Variants in ZMAT1 observed in about 807,000 individuals in gnomAD.
ZMAT1 encodes zinc finger matrin-type protein 1.
In ZMAT1, 11 loss-of-function variants were observed where a neutral mutation model predicts 18.5. That is an observed-to-expected ratio of 0.59 (90% confidence interval 0.37 to 0.98). ZMAT1 has a LOEUF of 0.98. Ranked by LOEUF, ZMAT1 falls within the 50% of genes least tolerant of loss-of-function variation. ZMAT1 has a pLI of 0.01. For missense variants in ZMAT1, 525 were observed against 496.2 expected, an observed-to-expected ratio of 1.06 and a Z score of -0.55; for synonymous variants, 211 against 176.4, an observed-to-expected ratio of 1.20 and a Z score of -1.55.
chrX:101,883,663 G>T lies in ZMAT1; in HGVS notation c.1935C>A (p.Val645=), dbSNP rs150827081. The part of the protein sequence containing the change: ...QRKREEDRVK[V]SSGKLKHRKK... ...TTCGATGCTTAAGCTTTCCTGAACT[G>T]ACCTTGACTCTATCCTCCTCTCTTT... The change falls in exon 6 of 6, where the codon GTC becomes GTA. Residue 645 remains valine (V), a synonymous_variant. Transcript: ENST00000651725. 3.3e-5 allele frequency: 40 copies of T among 1,205,248 alleles called. No individual in the cohort carries two copies. In the African/African-American group the frequency reaches 6.6e-4, roughly 20 times the overall value.
At chrX:101,927,948 A>G (rs1192070154) in intron 1 of ZMAT1, among the ~76,000 whole-genome samples, 3 of 112,200 alleles carry the variant, frequency 2.7e-5, no homozygotes, top group Non-Finnish European at 5.6e-5. Context: ...ACGAACAAAT[A>G]ATAATTTACC....
At chrX:101,923,489 C>T (rs1007593397) in intron 1 of ZMAT1, among the ~76,000 whole-genome samples, 9 of 111,752 alleles carry the variant, frequency 8.1e-5, no homozygotes, top group Non-Finnish European at 1.1e-4. Context: ...ATACGAAGCA[C>T]AGAAGATGAT....
chrX:101,901,451 T>C (rs1435683575), intron 2 of ZMAT1, among the ~76,000 whole-genome samples: 1 of 111,467 alleles, frequency 9.0e-6, no homozygotes, highest in African/African-American at 3.3e-5. Flanking sequence ...GGGTTTGTCA[T>C]AGATGGTCTA....
Position 101,931,707 on chromosome X carries a change from G to C in ZMAT1, c.292+10C>G. The C allele has an allele frequency of 5.3e-6, 4 of 758,876 alleles. No individual in the cohort carries two copies. Among genetic ancestry groups the C allele is most frequent in the Non-Finnish European group, 6.2e-6 (4 of 641,878 alleles). 62.5% of individuals were successfully genotyped at this position (758,876 alleles called of 1,213,427 possible). ...TGGGGCCGCCCCCGCACCCCGGGAC[G>C]GGAACTCACCTTCTCTGAGGCAAGG... On this transcript the variant is annotated intron_variant, in intron 1 of 5. Transcript: ENST00000651725.
At position 101,883,374 on chromosome X, in the gene ZMAT1, C is replaced by T; in HGVS notation, c.*136G>A. 1 of 403,195 alleles carries T rather than the reference C, an allele frequency of 2.5e-6. No homozygotes were observed. The highest frequency in any genetic ancestry group is 3.8e-6 in the Non-Finnish European group (1 of 265,124). 33.2% of individuals were successfully genotyped at this position (403,195 alleles called of 1,213,427 possible). ...TTTTAATTCAATTTAAATTTTTATACAAAAAAAACCTAAGTGTCCTGAAGT... is the reference window on the plus strand; with the variant it reads ...TTTTAATTCAATTTAAATTTTTATATAAAAAAAACCTAAGTGTCCTGAAGT... On this transcript the variant is annotated 3_prime_UTR_variant, in exon 6 of 6. Coordinates refer to ENST00000651725, the MANE Select transcript of ZMAT1 (RefSeq NM_001394560.1).
intron 2 of ZMAT1, among the ~76,000 whole-genome samples, chrX:101,903,485 T>G (rs190742095): frequency 1.8e-4 from 20 of 111,444 alleles, no homozygotes; most frequent in Non-Finnish European, 2.5e-4. Flanking sequence ...GATGAGATGT[T>G]TAAAAAAGTA....
chrX:101,911,484 C>A, intron 1 of ZMAT1: 1 of 709,651 alleles, frequency 1.4e-6, no homozygotes, highest in Non-Finnish European at 2.1e-6. Flanking sequence ...CTTTTCAAGA[C>A]ATAGTACAGT....
intron 4 of ZMAT1, chrX:101,889,602 GTAATT>G (rs1196484101): frequency 8.9e-6 from 1 of 112,050 alleles, no homozygotes; most frequent in Non-Finnish European, 1.9e-5. Context: ...CCCAGAGATG[GTAATT>G]TAATTGATTG....
At chrX:101,906,770 C>T (rs746338063) in intron 1 of ZMAT1, among the ~76,000 whole-genome samples, 1 of 112,241 alleles carries the variant, frequency 8.9e-6, no homozygotes, top group East Asian at 2.8e-4. Context: ...TCTGCAGACT[C>T]AGGCTCCAGG....
chrX:101,907,363 T>TA (rs2147635856), intron 1 of ZMAT1, among the ~76,000 whole-genome samples: 1 of 112,262 alleles, frequency 8.9e-6, no homozygotes, highest in Non-Finnish European at 1.9e-5. Context: ...AAGACCCAGA[T>TA]ACCAGGGCCA....
At chrX:101,894,930 A>G in intron 4 of ZMAT1, 1 of 737,112 alleles carries the variant, frequency 1.4e-6, no homozygotes. Context: ...TGAAAAAAAA[A>G]TATGGTTAGA....
In ZMAT1 at chrX:101,904,326, G is replaced by A; in HGVS notation, c.297C>T (p.Ala99=). 8.4e-7 allele frequency: 1 copy of A among 1,187,746 alleles called. No homozygotes were observed. The highest frequency in any genetic ancestry group is 1.1e-6 in the Non-Finnish European group (1 of 881,790). The change falls in exon 2 of 6, where the codon GCC becomes GCT. Residue 99 remains alanine, a synonymous_variant. Transcript: ENST00000651725. ...CAGCCTTTTCCTGTTCATTCCAAATGGCGTCTGTGAATAAAAAAGGGAAGA... is the reference window on the plus strand; with the variant it reads ...CAGCCTTTTCCTGTTCATTCCAAATAGCGTCTGTGAATAAAAAAGGGAAGA... ...VDTRPCLRED[A]IWNEQEKAEL...
rs1569428347 is a variant in ZMAT1 at position 101,886,745 on chromosome X, GAGTTCA to G, written c.677-20_677-15del. ...TCATACTAAATGCTGAAAAAACAAA[GAGTTCA>G]AGTTAAGAAGGTCAGTATAAATACA... On this transcript the variant is annotated splice_polypyrimidine_tract_variant and intron_variant, in intron 4 of 5. Coordinates refer to ENST00000651725, the MANE Select transcript of ZMAT1 (RefSeq NM_001394560.1). 2 of 1,123,997 alleles carry G rather than the reference GAGTTCA, an allele frequency of 1.8e-6. No individual in the cohort carries two copies. The highest frequency in any genetic ancestry group is 1.9e-5 in the South Asian group (1 of 51,993). 92.6% of individuals were successfully genotyped at this position (1,123,997 alleles called of 1,213,427 possible).
Position 101,931,902 on chromosome X carries a change from G to A in ZMAT1, c.107C>T (p.Ala36Val). The A allele has an allele frequency of 2.5e-6, 2 of 799,737 alleles. No homozygotes were observed. The highest frequency in any genetic ancestry group is 3.0e-6 in the Non-Finnish European group (2 of 671,453). 65.9% of individuals were successfully genotyped at this position (799,737 alleles called of 1,213,427 possible). A position where few individuals can be genotyped will look rare whatever the true frequency, so the allele number is the denominator to read the frequency against. ...TGCCGCCGCCGCCGCCGCCGCCGCC[G>A]CTGCCGCGCAGGCGGTGTAGGAGGA... Reference protein sequence around the residue: ...SSSSYTACAAAAAAAAAAAVI... With the variant: ...SSSSYTACAAVAAAAAAAAVI... The change falls in exon 1 of 6, where the codon GCG becomes GTG. Residue 36 changes from alanine to valine, a missense_variant. Ala to Val is a moderately conservative substitution (Grantham distance 64, BLOSUM62 0). Coordinates refer to ENST00000651725, the MANE Select transcript of ZMAT1 (RefSeq NM_001394560.1).
chrX:101,898,837 T>C (rs1928012644), intron 2 of ZMAT1, among the ~76,000 whole-genome samples: 2 of 111,179 alleles, frequency 1.8e-5, no homozygotes, highest in African/African-American at 6.6e-5. Context: ...GATCACAAGG[T>C]CAGGAGTTCG....
intron 1 of ZMAT1, among the ~76,000 whole-genome samples, chrX:101,904,944 C>T (rs1182455707): frequency 9.0e-6 from 1 of 111,310 alleles, no homozygotes; most frequent in Non-Finnish European, 1.9e-5. Context: ...TTCAAACAAA[C>T]AAACAAAAAA....
intron 1 of ZMAT1, chrX:101,912,062 C>T: frequency 8.9e-7 from 1 of 1,127,513 alleles, no homozygotes; most frequent in Non-Finnish European, 1.2e-6. Context: ...CCAGAGAATT[C>T]ACACTGGATA....
intron 1 of ZMAT1, among the ~76,000 whole-genome samples, chrX:101,920,588 G>C (rs73524759): frequency 0.025 from 2,810 of 111,719 alleles, 68 homozygotes; most frequent in African/African-American, 0.076. Context: ...TAGACTGTGA[G>C]TTCTGCAAGG....
In ZMAT1 at chrX:101,884,777, T is replaced by C; in HGVS notation, c.821A>G (p.Gln274Arg). The change falls in exon 6 of 6, where the codon CAA becomes CGA. Residue 274 changes from glutamine to arginine, a missense_variant. Transcript: ENST00000651725. ...INLVKNSRKT[Q>R]DSYQNECADY... ...TGCACACTCATTTTGGTAAGAGTCT[T>C]GTGTCTTCCTTGAATTCTTCACTAG... The C allele has an allele frequency of 1.7e-6, 2 of 1,206,505 alleles. No individual in the cohort carries two copies. The highest frequency in any genetic ancestry group is 3.5e-5 in the African/African-American group (2 of 57,702).
Sources: allele counts gnomAD v4.1 joint callset (sites outside exome capture counted in the v4.1 genomes callset), GRCh38; gene constraint gnomAD v4.1.1; transcripts MANE v1.5; gene names NCBI Gene and HGNC (gene_info 2026-07-23, HGNC 2026-07-21).